Variants in KCNQ2 observed in about 807,000 individuals in gnomAD.
The protein encoded by KCNQ2 is potassium voltage-gated channel subfamily Q member 2.
KCNQ2 carries 14 observed loss-of-function variants against 84.8 expected under a neutral mutation model. The observed-to-expected ratio is 0.17, with a 90% confidence interval of 0.11 to 0.26. KCNQ2 has a LOEUF of 0.26. KCNQ2 is among the 10% of genes least tolerant of loss of function. The pLI, the probability that KCNQ2 is intolerant of heterozygous loss-of-function variation, is 1.00. For missense variants in KCNQ2, 788 were observed against 1,254.0 expected, an observed-to-expected ratio of 0.63 and a Z score of 5.61; for synonymous variants, 599 against 554.1, an observed-to-expected ratio of 1.08 and a Z score of -1.14.
intron 15 of KCNQ2, among the ~76,000 whole-genome samples, chr20:63,409,741 G>C (rs989719463): frequency 1.3e-5 from 2 of 152,028 alleles, no homozygotes; most frequent in African/African-American, 2.4e-5. Flanking sequence ...ACCTGCCTCT[G>C]ATGGTGGGGG....
chr20:63,466,098 CCT>C (rs1350132918), intron 1 of KCNQ2, among the ~76,000 whole-genome samples: 1 of 152,204 alleles, frequency 6.6e-6, no homozygotes, highest in African/African-American at 2.4e-5. Context: ...AAGCCTCAAC[CCT>C]CAGGATGCTG....
intron 9 of KCNQ2, among the ~76,000 whole-genome samples, chr20:63,428,866 C>T (rs570945022): frequency 1.3e-5 from 2 of 152,182 alleles, no homozygotes; most frequent in Non-Finnish European, 2.9e-5. Context: ...ACTTTCTCTG[C>T]CAAAGCTGGA....
chr20:63,428,287 T>A (rs2080690118), intron 10 of KCNQ2, 80 bp downstream of exon 10: 5 of 1,066,382 alleles, frequency 4.7e-6, no homozygotes, highest in Non-Finnish European at 5.7e-6. Flanking sequence ...GGCACTGTCC[T>A]GGCGTGTCTT....
rs753145114 is a variant in KCNQ2 at position 63,419,605 on chromosome 20, G to A, written c.1301+14C>T. On this transcript the variant is annotated intron_variant, in intron 12 of 16. Coordinates refer to ENST00000359125, the MANE Select transcript of KCNQ2 (RefSeq NM_172107.4). ...TGCAGCAGCCGTCAGTCCGTGCGGC[G>A]TGTTCCGCGGTACCTAGAGCGTCCG... 6.2e-6 allele frequency: 10 copies of A among 1,606,456 alleles called. No individual in the cohort carries two copies. Among genetic ancestry groups the A allele is most frequent in the South Asian group, 2.2e-5 (2 of 89,342 alleles).
rs2081931679 is a variant in KCNQ2 at position 63,460,944 on chromosome 20, T to A, written c.296+11224A>T. On this transcript the variant is annotated intron_variant, in intron 1 of 16. Coordinates refer to ENST00000359125, the MANE Select transcript of KCNQ2 (RefSeq NM_172107.4). The surrounding 1 kb of genome is among the most constrained non-coding windows in gnomAD (Gnocchi z 5.4). ...CCAACTACCTGGCACGCGAGACTCA[T>A]CTTGCCCATGAGAAGTGTGGACAGT... 1 of 152,252 alleles carries A rather than the reference T, an allele frequency of 6.6e-6. No homozygotes were observed. Among genetic ancestry groups the A allele is most frequent in the African/African-American group, 2.4e-5 (1 of 41,456 alleles). The allele number at this position is 152,252 out of a possible 1,614,324, so 9.4% of individuals were successfully genotyped here.
At chr20:63,429,032 G>A (rs772498304) in intron 9 of KCNQ2, among the ~76,000 whole-genome samples, 6 of 151,844 alleles carry the variant, frequency 4.0e-5, no homozygotes, top group Non-Finnish European at 5.9e-5. Flanking sequence ...CCCAGTCCTG[G>A]TCATACCCAC....
rs765803546 is a variant in KCNQ2 at position 63,401,247 on chromosome 20, G to A, written c.*5397C>T. The stretch of plus-strand genomic sequence containing the variant: ...CCCCTCCCGTCTCTCCTCCTCCACC[G>A]TTGCCCACAACCTCCCCCGGCGATG... On this transcript the variant is annotated 3_prime_UTR_variant, in exon 17 of 17. Coordinates refer to ENST00000359125, the MANE Select transcript of KCNQ2 (RefSeq NM_172107.4). 1.8e-4 allele frequency: 33 copies of A among 188,292 alleles called. No homozygotes were observed. The highest frequency in any genetic ancestry group is 2.0e-3 in the Middle Eastern group (1 of 508). 11.7% of individuals were successfully genotyped at this position (188,292 alleles called of 1,614,324 possible).
At chr20:63,468,671 C>T (rs1432245525) in intron 1 of KCNQ2, among the ~76,000 whole-genome samples, 1 of 152,246 alleles carries the variant, frequency 6.6e-6, no homozygotes, top group Non-Finnish European at 1.5e-5. Context: ...GCCAGAGGCC[C>T]CTAAAACCCT....
At position 63,428,455 on chromosome 20, in the gene KCNQ2, G is replaced by A. The variant is rs754997316; in HGVS notation, c.1149-20C>T. ...ATAAGTCTGGGGCAAGAGAAGGAGAGGGGAGTGAGCGTCTCACCCTCCCGA... is the reference window on the plus strand; with the variant it reads ...ATAAGTCTGGGGCAAGAGAAGGAGAAGGGAGTGAGCGTCTCACCCTCCCGA... On this transcript the variant is annotated intron_variant, in intron 9 of 16. Coordinates refer to ENST00000359125, the MANE Select transcript of KCNQ2 (RefSeq NM_172107.4). The A allele has an allele frequency of 1.0e-4, 163 of 1,576,510 alleles. No homozygotes were observed. Among genetic ancestry groups the A allele is most frequent in the Non-Finnish European group, 1.4e-4 (158 of 1,159,748 alleles).
chr20:63,412,010 A>G (rs1213993685), intron 15 of KCNQ2: 1 of 622,704 alleles, frequency 1.6e-6, no homozygotes. Flanking sequence ...GTGCTCTCCC[A>G]CAGAGGGTGT....
intron 4 of KCNQ2, among the ~76,000 whole-genome samples, chr20:63,443,367 T>TCAC (rs2081305565): frequency 4.9e-5 from 1 of 20,240 alleles, no homozygotes; most frequent in African/African-American, 1.7e-4. Context: ...ACCATCACCA[T>TCAC]CATCACCACC....
At chr20:63,455,011 C>T (rs1050651971) in intron 1 of KCNQ2, among the ~76,000 whole-genome samples, 6 of 152,202 alleles carry the variant, frequency 3.9e-5, no homozygotes, top group African/African-American at 9.7e-5. Flanking sequence ...CTCGCTGGCT[C>T]GGCAAGGGCT....
At chr20:63,413,282 T>C in intron 15 of KCNQ2, 168 bp downstream of exon 15, 1 of 731,554 alleles carries the variant, frequency 1.4e-6, no homozygotes, top group Non-Finnish European at 2.3e-6. Flanking sequence ...GCAGAAATAT[T>C]AAAACAGACT....
chr20:63,443,343 TCACCACCACCACCAC>T (rs1568937312), intron 4 of KCNQ2, among the ~76,000 whole-genome samples: 1 of 7,290 alleles, frequency 1.4e-4, no homozygotes, highest in Non-Finnish European at 3.2e-4. Flanking sequence ...ATCACCACCA[TCACCACCACCACCAC>T]CATCACCATC....
intron 1 of KCNQ2, chr20:63,471,619 A>C: frequency 6.6e-6 from 1 of 151,788 alleles, no homozygotes; most frequent in Non-Finnish European, 1.5e-5. Flanking sequence ...CAGGACAGAC[A>C]GCTGCGCTCA....
chr20:63,414,306 T>C lies in KCNQ2; in HGVS notation c.1526-113A>G, dbSNP rs1189584448. The C allele has an allele frequency of 7.9e-6, 6 of 761,348 alleles. No homozygotes were observed. Among genetic ancestry groups the C allele is most frequent in the Non-Finnish European group, 1.4e-5 (6 of 438,094 alleles). The allele number at this position is 761,348 out of a possible 1,614,324, so 47.2% of individuals were successfully genotyped here. A position where few individuals can be genotyped will look rare whatever the true frequency, so the allele number is the denominator to read the frequency against. On this transcript the variant is annotated intron_variant, in intron 13 of 16. Transcript: ENST00000359125. The surrounding 1 kb of genome is among the most constrained non-coding windows in gnomAD (Gnocchi z 6.6). ...CGCCAGGGAGCCCCTCGAGGCTCCCTGTGGTGCCCCTCGGGTGCACCTGCT... is the reference window on the plus strand; with the variant it reads ...CGCCAGGGAGCCCCTCGAGGCTCCCCGTGGTGCCCCTCGGGTGCACCTGCT...
chr20:63,429,367 C>G (rs374281772), intron 9 of KCNQ2, among the ~76,000 whole-genome samples: 1 of 152,118 alleles, frequency 6.6e-6, no homozygotes, highest in Non-Finnish European at 1.5e-5. Context: ...CACCCCTCCC[C>G]ACACCCACCT....
In KCNQ2 at chr20:63,419,691, C is replaced by T; in HGVS notation, c.1248-19G>A. 2.5e-6 allele frequency: 4 copies of T among 1,606,266 alleles called. No individual in the cohort carries two copies. Among genetic ancestry groups the T allele is most frequent in the Non-Finnish European group, 3.4e-6 (4 of 1,177,324 alleles). ...GCCTTTACTGGAAATGAGGAGAGCA[C>T]AGTTAGTCCTGGGCGCCGGCAACAG... On this transcript the variant is annotated intron_variant, in intron 11 of 16. Transcript: ENST00000359125.
intron 12 of KCNQ2, among the ~76,000 whole-genome samples, chr20:63,418,120 G>A (rs1293780295): frequency 3.3e-5 from 5 of 152,194 alleles, no homozygotes; most frequent in South Asian, 4.2e-4. Context: ...GCAGACACCC[G>A]ACCCCGCCAG....
Sources: allele counts gnomAD v4.1 joint callset (sites outside exome capture counted in the v4.1 genomes callset), GRCh38; gene constraint gnomAD v4.1.1; non-coding constraint Gnocchi (gnomAD v3.1); transcripts MANE v1.5; gene names NCBI Gene and HGNC (gene_info 2026-07-23, HGNC 2026-07-21).